Variants in AGAP1 observed in about 807,000 individuals in gnomAD.
The protein encoded by AGAP1 is arf-GAP with GTPase, ANK repeat and PH domain-containing protein 1.
In AGAP1, 29 loss-of-function variants were observed where a neutral mutation model predicts 105.3. That is an observed-to-expected ratio of 0.28 (90% CI 0.21 to 0.38). The LOEUF is 0.38. Among genes scored for constraint, AGAP1 ranks in the 10% least tolerant of loss-of-function variants. The pLI, the probability that AGAP1 is intolerant of heterozygous loss-of-function variation, is 1.00. For missense variants in AGAP1, 998 were observed against 1,165.1 expected, an observed-to-expected ratio of 0.86 and a Z score of 2.09; for synonymous variants, 509 against 485.9, an observed-to-expected ratio of 1.05 and a Z score of -0.63.
rs2059948978 is a variant in AGAP1 at position 236,123,490 on chromosome 2, T to TA, written c.2371-428dup. ...TCAAAGAAAACTCATTGAAAGGAAA[T>TA]ACACTAATTCACAAAGGTTATCTCT... On this transcript the variant is annotated intron_variant, in intron 17 of 17. Transcript: ENST00000304032. This position sits in a 1 kb window ranked among gnomAD's most constrained non-coding sequence, Gnocchi z 4.6. Among the ~76,000 whole-genome samples, 1 of 152,216 alleles carries TA rather than the reference T, an allele frequency of 6.6e-6. No individual in the cohort carries two copies. The highest frequency in any genetic ancestry group is 2.4e-5 in the African/African-American group (1 of 41,454).
At chr2:236,043,060 A>G (rs887389658) in intron 15 of AGAP1, among the ~76,000 whole-genome samples, 1 of 152,134 alleles carries the variant, frequency 6.6e-6, no homozygotes, top group Non-Finnish European at 1.5e-5. Flanking sequence ...AGCCTGCTGT[A>G]TTTTCTCAAG....
chr2:236,064,845 T>A (rs1378501833), intron 16 of AGAP1, among the ~76,000 whole-genome samples: 1 of 152,210 alleles, frequency 6.6e-6, no homozygotes, highest in Non-Finnish European at 1.5e-5. Context: ...ATTGCCAAAC[T>A]ATACCTTTCT....
rs1175084953 is a variant in AGAP1, at chr2:236,123,398, T to A, written c.2371-521T>A. Among the ~76,000 whole-genome samples, 1 of 151,776 alleles carries A rather than the reference T, an allele frequency of 6.6e-6. No individual in the cohort carries two copies. ...AAAATGATCACAGTATAGTAATCAA[T>A]AAAAAATGAAAAAAATACAAATTAT... is the stretch of plus-strand genomic sequence containing the variant. On this transcript the variant is annotated intron_variant, in intron 17 of 17. Transcript: ENST00000304032. The surrounding 1 kb of genome is among the most constrained non-coding windows in gnomAD (Gnocchi z 4.6).
In AGAP1 at chr2:235,622,660, A is replaced by G. The variant is rs1479834881; in HGVS notation, c.164-86519A>G. On this transcript the variant is annotated intron_variant, in intron 1 of 17. Transcript: ENST00000304032. The surrounding 1 kb of genome is among the most constrained non-coding windows in gnomAD (Gnocchi z 5.0). ...AATTGGGAGCCCTGGCTGGATCAGA[A>G]GCACATGGTTCAGTGGACACTGTCA... 6.6e-6 allele frequency among the ~76,000 whole-genome samples: 1 copy of G among 152,156 alleles called. No homozygotes were observed. The highest frequency in any genetic ancestry group is 1.5e-5 in the Non-Finnish European group (1 of 68,044).
At chr2:235,995,067 A>C (rs1484099121) in intron 13 of AGAP1, among the ~76,000 whole-genome samples, 1 of 15,800 alleles carries the variant, frequency 6.3e-5, no homozygotes, top group Admixed American at 4.9e-4. Flanking sequence ...CTCTGTCTCA[A>C]AAAAAAAAAA....
rs1015812883 is a variant in AGAP1 at position 235,535,016 on chromosome 2, A to G, written c.163+40167A>G. ...CAGCCCAGGATGCTTTTTTCCTCCA[A>G]ATGCCTCTCACCTATTCCCAGATAC... On this transcript the variant is annotated intron_variant, in intron 1 of 17. Coordinates refer to ENST00000304032, the MANE Select transcript of AGAP1 (RefSeq NM_001037131.3). The surrounding 1 kb of genome is among the most constrained non-coding windows in gnomAD (Gnocchi z 5.1). 6.6e-6 allele frequency among the ~76,000 whole-genome samples: 1 copy of G among 152,076 alleles called. No homozygotes were observed. The highest frequency in any genetic ancestry group is 1.9e-4 in the East Asian group (1 of 5,192).
chr2:235,861,464 A>T (rs2048924995), intron 9 of AGAP1, among the ~76,000 whole-genome samples: 1 of 152,236 alleles, frequency 6.6e-6, no homozygotes, highest in African/African-American at 2.4e-5. Flanking sequence ...TAGCAACAGC[A>T]TGCAATCTCT....
Position 235,535,644 on chromosome 2 carries a change from G to T in AGAP1, c.163+40795G>T, listed in dbSNP as rs780504762. Among the ~76,000 whole-genome samples the T allele has an allele frequency of 1.3e-3, 203 of 152,182 alleles. No homozygotes were observed. Among genetic ancestry groups the T allele is most frequent in the Middle Eastern group, 3.4e-3 (1 of 294 alleles). ...CGGGGCTGTGCCAGGCACCCGCGTC[G>T]CGCTCCAGCTCCAGCCCTTTAATGC... On this transcript the variant is annotated intron_variant, in intron 1 of 17. Coordinates refer to ENST00000304032, the MANE Select transcript of AGAP1 (RefSeq NM_001037131.3). This position sits in a 1 kb window ranked among gnomAD's most constrained non-coding sequence, Gnocchi z 5.1.
chr2:235,807,165 C>G lies in AGAP1; in HGVS notation c.958-74C>G, dbSNP rs1370058033. On this transcript the variant is annotated intron_variant, in intron 8 of 17. Coordinates refer to ENST00000304032, the MANE Select transcript of AGAP1 (RefSeq NM_001037131.3). ...TTCTAAATGTGTATTGGCAGGAATTCTGCAAACAGGGGCAGAGCCCCGTCT... is the reference window on the plus strand; with the variant it reads ...TTCTAAATGTGTATTGGCAGGAATTGTGCAAACAGGGGCAGAGCCCCGTCT... 4.8e-6 allele frequency: 7 copies of G among 1,467,546 alleles called. No individual in the cohort carries two copies. The East Asian group carries it at 1.4e-4, about 29-fold the overall frequency. The allele number at this position is 1,467,546 out of a possible 1,614,324, so 90.9% of individuals were successfully genotyped here.
Position 235,582,405 on chromosome 2 carries a change from C to T in AGAP1, c.163+87556C>T, listed in dbSNP as rs1253048977. On this transcript the variant is annotated intron_variant, in intron 1 of 17. Transcript: ENST00000304032. This position sits in a 1 kb window ranked among gnomAD's most constrained non-coding sequence, Gnocchi z 4.7. ...GGACAGGAGCCACACAGTGTAGAAG[C>T]GACTTGCCCTAAATGCCTCATTGAG... 3.9e-5 allele frequency among the ~76,000 whole-genome samples: 6 copies of T among 152,230 alleles called. No homozygotes were observed. The highest frequency in any genetic ancestry group is 4.4e-5 in the Non-Finnish European group (3 of 68,014).
chr2:235,816,157 G>A (rs115712173), intron 9 of AGAP1, among the ~76,000 whole-genome samples: 1 of 152,222 alleles, frequency 6.6e-6, no homozygotes, highest in East Asian at 1.9e-4. Context: ...GAAAGATACA[G>A]CTGGGCATAG....
chr2:235,550,646 A>G lies in AGAP1; in HGVS notation c.163+55797A>G, dbSNP rs1249965297. Among the ~76,000 whole-genome samples the G allele has an allele frequency of 6.6e-6, 1 of 152,226 alleles. No individual in the cohort carries two copies. The highest frequency in any genetic ancestry group is 1.5e-5 in the Non-Finnish European group (1 of 68,036). On this transcript the variant is annotated intron_variant, in intron 1 of 17. Transcript: ENST00000304032. This position sits in a 1 kb window ranked among gnomAD's most constrained non-coding sequence, Gnocchi z 4.6. ...CGAGGGCCCAGCAGGACTGTAGCAC[A>G]GGATCAGCACCATCCACACCTGAGG...
rs1385809752 is a variant in AGAP1 at position 235,723,897 on chromosome 2, A to C, written c.310+6253A>C. 1.3e-5 allele frequency among the ~76,000 whole-genome samples: 2 copies of C among 152,152 alleles called. No individual in the cohort carries two copies. The highest frequency in any genetic ancestry group is 4.8e-5 in the African/African-American group (2 of 41,442). On this transcript the variant is annotated intron_variant, in intron 3 of 17. Coordinates refer to ENST00000304032, the MANE Select transcript of AGAP1 (RefSeq NM_001037131.3). This position sits in a 1 kb window ranked among gnomAD's most constrained non-coding sequence, Gnocchi z 6.2. ...GGTGGGCCATCTGAGAGCCGCCTTTATCCCAGATCTGGAAGAAACCCACAT... is the reference window on the plus strand; with the variant it reads ...GGTGGGCCATCTGAGAGCCGCCTTTCTCCCAGATCTGGAAGAAACCCACAT...
In AGAP1 at chr2:235,494,166, C is replaced by T. The variant is rs1367385127; in HGVS notation, c.-521C>T. ...GTCGGCGGGCGGCGCACGGCGGGCTCGCGCGGGGGCCCCGGCGCGCCGGGC... is the reference window on the plus strand; with the variant it reads ...GTCGGCGGGCGGCGCACGGCGGGCTTGCGCGGGGGCCCCGGCGCGCCGGGC... On this transcript the variant is annotated 5_prime_UTR_variant, in exon 1 of 18. Coordinates refer to ENST00000304032, the MANE Select transcript of AGAP1 (RefSeq NM_001037131.3). 3 of 142,816 alleles carry T rather than the reference C, an allele frequency of 2.1e-5. No homozygotes were observed. Among genetic ancestry groups the T allele is most frequent in the Non-Finnish European group, 4.7e-5 (3 of 64,422 alleles). The allele number at this position is 142,816 out of a possible 1,614,324, so 8.8% of individuals were successfully genotyped here. A position where few individuals can be genotyped will look rare whatever the true frequency, so the allele number is the denominator to read the frequency against.
Position 235,566,088 on chromosome 2 carries a change from T to TTTA in AGAP1, c.163+71257_163+71259dup, listed in dbSNP as rs922030678. Among the ~76,000 whole-genome samples the TTTA allele has an allele frequency of 2.0e-4, 30 of 151,810 alleles. No individual in the cohort carries two copies. Among genetic ancestry groups the TTTA allele is most frequent in the East Asian group, 1.4e-3 (7 of 5,146 alleles). The stretch of plus-strand genomic sequence containing the variant: ...CATCTTTCATTTGTCCATTCCTCGA[T>TTTA]TTATTATTATTATTATTATTTGAGG... On this transcript the variant is annotated intron_variant, in intron 1 of 17. Transcript: ENST00000304032. This position sits in a 1 kb window ranked among gnomAD's most constrained non-coding sequence, Gnocchi z 5.2.
intron 1 of AGAP1, among the ~76,000 whole-genome samples, chr2:235,650,945 T>C (rs1947563366): frequency 6.6e-6 from 1 of 151,920 alleles, no homozygotes; most frequent in African/African-American, 2.4e-5. Context: ...TTTGGGAAGC[T>C]GAGGCAGACA....
intron 6 of AGAP1, among the ~76,000 whole-genome samples, chr2:235,760,139 G>A (rs1356980277): frequency 6.6e-6 from 1 of 152,204 alleles, no homozygotes; most frequent in African/African-American, 2.4e-5. Context: ...TAAGCACTTT[G>A]GGAGGCTGAG....
At position 235,719,977 on chromosome 2, in the gene AGAP1, A is replaced by G. The variant is rs1951298917; in HGVS notation, c.310+2333A>G. ...TGAGCCACCTTTCCCGTGTAGAACC[A>G]AGCAGGTGGCCACTGTCTTTGCCCC... On this transcript the variant is annotated intron_variant, in intron 3 of 17. Transcript: ENST00000304032. The surrounding 1 kb of genome is among the most constrained non-coding windows in gnomAD (Gnocchi z 4.9). Among the ~76,000 whole-genome samples the G allele has an allele frequency of 6.6e-6, 1 of 151,864 alleles. No individual in the cohort carries two copies. Among genetic ancestry groups the G allele is most frequent in the Non-Finnish European group, 1.5e-5 (1 of 67,962 alleles).
Position 236,036,508 on chromosome 2 carries a change from G to A in AGAP1, c.1646-53G>A. 6.3e-7 allele frequency: 1 copy of A among 1,595,580 alleles called. No homozygotes were observed. Among genetic ancestry groups the A allele is most frequent in the Non-Finnish European group, 8.5e-7 (1 of 1,170,994 alleles). ...GCTTCTGTGACAGAGGGCCCGCAGG[G>A]GGACTGCTGTCTCATAAAAGCTAAA... On this transcript the variant is annotated intron_variant, in intron 13 of 17. Transcript: ENST00000304032. This position sits in a 1 kb window ranked among gnomAD's most constrained non-coding sequence, Gnocchi z 5.7.
Sources: allele counts gnomAD v4.1 joint callset (sites outside exome capture counted in the v4.1 genomes callset), GRCh38; gene constraint gnomAD v4.1.1; non-coding constraint Gnocchi (gnomAD v3.1); transcripts MANE v1.5; gene names NCBI Gene and HGNC (gene_info 2026-07-23, HGNC 2026-07-21).